The following SORBS2 variants were observed in gnomAD, a reference collection of about 807,000 sequenced individuals.
SORBS2 encodes sorbin and SH3 domain-containing protein 2.
SORBS2 carries 46 observed loss-of-function variants against 97.7 expected under a neutral mutation model. The ratio of observed to expected loss-of-function variants is 0.47; its 90% CI spans 0.37 to 0.60. The LOEUF is 0.60. SORBS2 is among the 20% of genes least tolerant of loss of function. SORBS2 has a pLI of 0.00. For missense variants in SORBS2, 1,316 were observed against 1,282.3 expected (o/e 1.03, Z -0.40); for synonymous variants, 476 against 473.4 (o/e 1.01, Z -0.07).
chr4:185,709,319 T>TTTTTTTTTTTTTTTTTTC, intron 2 of SORBS2, among the ~76,000 whole-genome samples: 1 of 147,908 alleles, frequency 6.8e-6, no homozygotes, highest in Non-Finnish European at 1.5e-5. Context: ...TTTTTTTTTT[T>TTTTTTTTTTTTTTTTTTC]TTTTTAGTAA....
intron 4 of SORBS2, 109 bp from the exon 15 acceptor site, chr4:185,638,271 C>A: frequency 2.7e-6 from 2 of 732,142 alleles, no homozygotes; most frequent in South Asian, 1.5e-5. Flanking sequence ...AAACATGCAT[C>A]AACTCTCACC....
chr4:185,616,226 T>C (rs927587943), intron 9 of SORBS2, among the ~76,000 whole-genome samples: 4 of 152,360 alleles, frequency 2.6e-5, no homozygotes, highest in South Asian at 2.1e-4. Context: ...GGCCGTTTGA[T>C]GGAGAGAGAT....
intron 1 of SORBS2, among the ~76,000 whole-genome samples, chr4:185,915,475 C>T (rs2278938): frequency 0.55 from 83,201 of 152,068 alleles, 23,608 homozygotes; most frequent in East Asian, 0.71. Context: ...AAGCTAACTA[C>T]GAGGGTAGCC....
intron 1 of SORBS2, among the ~76,000 whole-genome samples, chr4:185,877,945 A>G (rs1561260611): frequency 6.6e-6 from 1 of 151,934 alleles, no homozygotes; most frequent in Non-Finnish European, 1.5e-5. Flanking sequence ...CTTTACCCAA[A>G]AAAACAAAAA....
chr4:185,776,614 A>G (rs890427487), intron 1 of SORBS2, among the ~76,000 whole-genome samples: 6 of 152,122 alleles, frequency 3.9e-5, no homozygotes, highest in Non-Finnish European at 8.8e-5. Flanking sequence ...ACCTGAATTC[A>G]GTATAAAAAA....
intron 5 of SORBS2, 132 bp downstream of exon 17, chr4:185,630,417 T>A: frequency 2.1e-6 from 1 of 468,566 alleles, no homozygotes; most frequent in Non-Finnish European, 3.8e-6. Flanking sequence ...ATAAAACAAC[T>A]TCATGAGGCA....
intron 1 of SORBS2, among the ~76,000 whole-genome samples, chr4:185,883,421 C>T (rs1005016620): frequency 3.3e-5 from 5 of 152,204 alleles, no homozygotes; most frequent in African/African-American, 4.8e-5. Context: ...TCTCATAACA[C>T]TGCTTGTGGG....
chr4:185,852,533 T>C (rs977573639), intron 1 of SORBS2, among the ~76,000 whole-genome samples: 1 of 152,346 alleles, frequency 6.6e-6, no homozygotes, highest in Non-Finnish European at 1.5e-5. Flanking sequence ...GGTTGTTTTG[T>C]AGTGTTATGT....
intron 4 of SORBS2, chr4:185,676,981 G>A (rs2097796119): frequency 1.3e-6 from 2 of 1,547,452 alleles, no homozygotes; most frequent in African/African-American, 2.7e-5. Flanking sequence ...CGAAGAGACT[G>A]AGAAGCTTAA....
chr4:185,918,962 C>T (rs528372339), intron 1 of SORBS2, among the ~76,000 whole-genome samples: 5 of 152,190 alleles, frequency 3.3e-5, no homozygotes, highest in African/African-American at 2.4e-5. Context: ...ATTTGATGTA[C>T]AAAAATCTTC....
intron 1 of SORBS2, among the ~76,000 whole-genome samples, chr4:185,886,137 AT>A: frequency 6.6e-6 from 1 of 152,238 alleles, no homozygotes. Flanking sequence ...CTGAGAAAGC[AT>A]TTAGGCATAG....
intron 1 of SORBS2, among the ~76,000 whole-genome samples, chr4:185,803,334 G>A (rs567747227): frequency 3.3e-5 from 5 of 152,144 alleles, no homozygotes; most frequent in Admixed American, 2.0e-4. Context: ...GTGAGGCACC[G>A]TTTTAAGGGT....
intron 1 of SORBS2, among the ~76,000 whole-genome samples, chr4:185,838,421 C>T (rs180808718): frequency 2.6e-5 from 4 of 152,330 alleles, no homozygotes; most frequent in East Asian, 1.9e-4. Flanking sequence ...CTCACGGATG[C>T]GCTGGTTGCC....
chr4:185,605,572 C>T (rs887155285), intron 12 of SORBS2, among the ~76,000 whole-genome samples: 4 of 151,796 alleles, frequency 2.6e-5, no homozygotes, highest in Admixed American at 1.3e-4. Flanking sequence ...CGTAAGCCAC[C>T]GCAGCTGGCC....
intron 12 of SORBS2, among the ~76,000 whole-genome samples, chr4:185,601,887 A>G (rs1052409938): frequency 2.0e-5 from 3 of 152,172 alleles, no homozygotes; most frequent in Admixed American, 2.0e-4. Flanking sequence ...CTTGGAAGAA[A>G]CCTAAAAAAG....
intron 2 of SORBS2, among the ~76,000 whole-genome samples, chr4:185,753,864 AG>A (rs1215572728): frequency 5.3e-5 from 8 of 152,228 alleles, no homozygotes; most frequent in African/African-American, 1.9e-4. Context: ...GATGTAAATT[AG>A]GTCAACCATT....
At position 185,684,358 on chromosome 4, in the gene SORBS2, T is replaced by C. The variant is rs977597111; in HGVS notation, c.-197-5536A>G. 4.6e-5 allele frequency among the ~76,000 whole-genome samples: 7 copies of C among 152,182 alleles called. No homozygotes were observed. Among genetic ancestry groups the C allele is most frequent in the Non-Finnish European group, 1.0e-4 (7 of 68,038 alleles). On this transcript the variant is annotated intron_variant, in intron 2 of 20. Transcript: ENST00000284776. This position sits in a 1 kb window ranked among gnomAD's most constrained non-coding sequence, Gnocchi z 4.2. The stretch of plus-strand genomic sequence containing the variant: ...ATTGGATTAAAGGAAAGCAAAGGTC[T>C]CTTTCAAAACTAATGTTCTATCATT...
At chr4:185,599,421 AAGTT>A (rs1365017291) in intron 12 of SORBS2, among the ~76,000 whole-genome samples, 1 of 152,202 alleles carries the variant, frequency 6.6e-6, no homozygotes, top group African/African-American at 2.4e-5. Flanking sequence ...TTTGACCTTT[AAGTT>A]CAATCAGAGC....
intron 5 of SORBS2, 35 bp downstream of exon 17, chr4:185,630,514 T>C (rs778269664): frequency 2.2e-6 from 3 of 1,369,952 alleles, no homozygotes; most frequent in Non-Finnish European, 3.1e-6. Flanking sequence ...ACCACTGGTA[T>C]AGAATATTCT....
Sources: allele counts gnomAD v4.1 joint callset (sites outside exome capture counted in the v4.1 genomes callset), GRCh38; gene constraint gnomAD v4.1.1; non-coding constraint Gnocchi (gnomAD v3.1); transcripts MANE v1.5; gene names NCBI Gene and HGNC (gene_info 2026-07-23, HGNC 2026-07-21).